The following CNTN4 variants were observed in gnomAD, a reference collection of about 807,000 sequenced individuals.
CNTN4 encodes contactin-4.
Under a neutral mutation model 122.5 loss-of-function variants are expected in CNTN4, and 77 were observed. That is an observed-to-expected ratio of 0.63 (90% CI 0.52 to 0.76). The LOEUF (loss-of-function observed/expected upper bound fraction) is 0.76. Ranked by LOEUF, CNTN4 falls within the 30% of genes least tolerant of loss-of-function variation. The probability of loss-of-function intolerance (pLI) is 0.00; values close to 1 mark genes in which losing one functional copy is unlikely to be tolerated. For synonymous variants in CNTN4, 512 were observed against 447.0 expected (o/e 1.15, Z -1.83); for missense variants, 1,256 against 1,259.1 (o/e 1.00, Z 0.04).
At chr3:2,345,792 C>T (rs545884917) in intron 3 of CNTN4, among the ~76,000 whole-genome samples, 1 of 152,092 alleles carries the variant, frequency 6.6e-6, no homozygotes, top group Non-Finnish European at 1.5e-5. Context: ...ATTGTGTGAC[C>T]CTCTGATAGG....
At chr3:3,010,069 A>G (rs1383392434) in intron 14 of CNTN4, among the ~76,000 whole-genome samples, 2 of 152,036 alleles carry the variant, frequency 1.3e-5, no homozygotes, top group African/African-American at 2.4e-5. Context: ...GCTTCACTGT[A>G]TGAACACTCA....
At chr3:2,500,021 T>G (rs563448822) in intron 3 of CNTN4, among the ~76,000 whole-genome samples, 4 of 152,288 alleles carry the variant, frequency 2.6e-5, no homozygotes, top group Non-Finnish European at 4.4e-5. Context: ...TTTTTAATTT[T>G]GCCTTTTAAT....
intron 2 of CNTN4, among the ~76,000 whole-genome samples, chr3:2,106,768 T>A (rs1016212649): frequency 3.9e-5 from 6 of 152,240 alleles, no homozygotes; most frequent in Admixed American, 3.9e-4. Flanking sequence ...TGGCTTGAAT[T>A]TCTCCCCAGA....
Position 2,747,104 on chromosome 3 carries a change from AATG to A in CNTN4, c.358+1408_358+1410del, listed in dbSNP as rs2089810620. ...CACAGTATAACACCAAAAAAAAAAA[AATG>A]GAGATGGAAATATTGTATCTGGGCC... is the stretch of plus-strand genomic sequence containing the variant. On this transcript the variant is annotated intron_variant, in intron 6 of 24. Transcript: ENST00000418658. Among the ~76,000 whole-genome samples the A allele has an allele frequency of 2.0e-5, 3 of 150,890 alleles. 1 individual carries two copies. The highest frequency in any genetic ancestry group is 4.4e-5 in the Non-Finnish European group (3 of 67,522).
chr3:2,395,409 T>C (rs1253100683), intron 3 of CNTN4, among the ~76,000 whole-genome samples: 1 of 152,198 alleles, frequency 6.6e-6, no homozygotes, highest in Non-Finnish European at 1.5e-5. Flanking sequence ...GTATTTTATA[T>C]ATTAATAGGA....
At chr3:2,710,236 A>C (rs1299929079) in intron 4 of CNTN4, among the ~76,000 whole-genome samples, 1 of 152,220 alleles carries the variant, frequency 6.6e-6, no homozygotes, top group Non-Finnish European at 1.5e-5. Context: ...AGAAAACTCC[A>C]GATAATTTAA....
At chr3:3,003,701 A>AC (rs1696285830) in intron 14 of CNTN4, among the ~76,000 whole-genome samples, 4 of 144,510 alleles carry the variant, frequency 2.8e-5, no homozygotes, top group African/African-American at 1.1e-4. Flanking sequence ...AAAAAAAAAA[A>AC]AAAAAAAAAA....
chr3:3,024,087 T>C (rs1386729007), intron 14 of CNTN4, among the ~76,000 whole-genome samples: 1 of 152,204 alleles, frequency 6.6e-6, no homozygotes, highest in African/African-American at 2.4e-5. Flanking sequence ...GCCTCTGTTA[T>C]ATGTGTTATC....
intron 2 of CNTN4, among the ~76,000 whole-genome samples, chr3:2,285,072 T>A (rs542986909): frequency 6.6e-6 from 1 of 152,072 alleles, no homozygotes; most frequent in Non-Finnish European, 1.5e-5. Flanking sequence ...AATTTTAGAA[T>A]GAGGACTGCT....
At chr3:2,262,803 A>G (rs932818625) in intron 2 of CNTN4, among the ~76,000 whole-genome samples, 4 of 152,106 alleles carry the variant, frequency 2.6e-5, no homozygotes, top group South Asian at 2.1e-4. Context: ...AGATACAACT[A>G]TATTTTTCTC....
intron 12 of CNTN4, among the ~76,000 whole-genome samples, chr3:2,918,139 G>T (rs777158871): frequency 6.6e-6 from 1 of 152,162 alleles, no homozygotes; most frequent in Non-Finnish European, 1.5e-5. Context: ...TATTGAAAGA[G>T]CATGATAAGC....
At chr3:2,566,120 C>T (rs1430551042) in intron 3 of CNTN4, among the ~76,000 whole-genome samples, 1 of 152,168 alleles carries the variant, frequency 6.6e-6, no homozygotes, top group Non-Finnish European at 1.5e-5. Flanking sequence ...CCTTGGCTTA[C>T]TGGCACCTGG....
At chr3:2,972,085 GCTGATTAATTATACAGACCTC>G (rs1256398706) in intron 13 of CNTN4, among the ~76,000 whole-genome samples, 1 of 152,138 alleles carries the variant, frequency 6.6e-6, no homozygotes, top group African/African-American at 2.4e-5. Context: ...TTGTAGGATT[GCTGATTAATTATACAGACCTC>G]CTGATGTTTT....
rs550932635 is a variant in CNTN4 at position 2,506,298 on chromosome 3, C to T, written c.-88-65118C>T. Among the ~76,000 whole-genome samples the T allele has an allele frequency of 2.9e-4, 44 of 152,232 alleles. No individual in the cohort carries two copies. In the South Asian group the frequency reaches 8.3e-3, roughly 29 times the overall value. On this transcript the variant is annotated intron_variant, in intron 3 of 24. Coordinates refer to ENST00000418658, the MANE Select transcript of CNTN4 (RefSeq NM_175607.3). ...ACCTAGCGCCTACACGCCCTGGAGC[C>T]GACAAAAGAGCTCAGTACCAGAGCC...
intron 4 of CNTN4, among the ~76,000 whole-genome samples, chr3:2,681,360 C>T (rs1242154945): frequency 6.6e-6 from 1 of 152,186 alleles, no homozygotes; most frequent in African/African-American, 2.4e-5. Context: ...TGCCACACCC[C>T]TGGAGCAGCG....
intron 4 of CNTN4, among the ~76,000 whole-genome samples, chr3:2,597,188 A>G (rs184673510): frequency 5.3e-4 from 81 of 152,270 alleles, no homozygotes; most frequent in African/African-American, 1.9e-3. Flanking sequence ...TGCAGCTACT[A>G]CTACCCACCA....
chr3:2,418,487 G>C (rs534005182), intron 3 of CNTN4, among the ~76,000 whole-genome samples: 1 of 152,244 alleles, frequency 6.6e-6, no homozygotes, highest in East Asian at 1.9e-4. Flanking sequence ...TCAATCATTA[G>C]ATACAATAGA....
intron 7 of CNTN4, among the ~76,000 whole-genome samples, chr3:2,858,280 T>A (rs2093636839): frequency 6.6e-6 from 1 of 152,132 alleles, no homozygotes; most frequent in African/African-American, 2.4e-5. Context: ...ATTCCAAGAG[T>A]GAGATCCAGC....
chr3:2,161,195 T>C (rs2035952696), intron 2 of CNTN4, among the ~76,000 whole-genome samples: 1 of 151,860 alleles, frequency 6.6e-6, no homozygotes, highest in South Asian at 2.1e-4. Context: ...TAGAAAGTCA[T>C]TGTGGCTGAA....
Sources: gnomAD v4.1 joint callset for allele counts (sites outside exome capture counted in the v4.1 genomes callset) on GRCh38, gnomAD v4.1.1 for gene constraint, MANE v1.5 for transcripts, NCBI Gene and HGNC (gene_info 2026-07-23, HGNC 2026-07-21) for gene names.